Variants in CNBD2 observed in about 807,000 individuals in gnomAD.
CNBD2 encodes cyclic nucleotide binding domain containing 2, also known as cyclic nucleotide-binding domain-containing protein 2.
Under a neutral mutation model 63.7 loss-of-function variants are expected in CNBD2, and 64 were observed. The ratio of observed to expected loss-of-function variants is 1.00; its 90% CI spans 0.82 to 1.24. The LOEUF is 1.24. Ranked by LOEUF, CNBD2 falls within the 50% of genes most tolerant of loss-of-function variation. CNBD2 has a pLI of 0.00. For synonymous variants in CNBD2, 229 were observed against 255.4 expected, an observed-to-expected ratio of 0.90 and a Z score of 0.99; for missense variants, 691 against 713.5, an observed-to-expected ratio of 0.97 and a Z score of 0.36.
At chr20:36,001,295 C>G (rs1230259522) in intron 8 of CNBD2, among the ~76,000 whole-genome samples, 3 of 151,358 alleles carry the variant, frequency 2.0e-5, no homozygotes, top group Non-Finnish European at 2.9e-5. Context: ...AGGGGCTCCT[C>G]ACTTCCCAGT....
chr20:35,985,592 TCTC>T (rs1163845247), intron 6 of CNBD2, among the ~76,000 whole-genome samples: 3 of 151,812 alleles, frequency 2.0e-5, no homozygotes, highest in Non-Finnish European at 4.4e-5. Context: ...TTCAAGCAAT[TCTC>T]CTGCCTCAGC....
chr20:35,994,547 C>T (rs539315242), intron 7 of CNBD2, among the ~76,000 whole-genome samples: 6 of 146,516 alleles, frequency 4.1e-5, no homozygotes, highest in African/African-American at 1.5e-4. Flanking sequence ...ACTTGAACTT[C>T]GTATGGTGAG....
chr20:35,980,373 G>A (rs1324870603), intron 3 of CNBD2, 86 bp from the exon 4 acceptor site: 1 of 1,265,748 alleles, frequency 7.9e-7, no homozygotes, highest in Admixed American at 1.7e-5. Flanking sequence ...ACGGGAGAGT[G>A]TACAAGCAGG....
chr20:35,985,462 A>G (rs1327470011), intron 6 of CNBD2, among the ~76,000 whole-genome samples: 2 of 149,660 alleles, frequency 1.3e-5, no homozygotes, highest in East Asian at 4.0e-4. Context: ...CCCCATGCTC[A>G]GCCCAAACTA....
At chr20:36,004,697 G>A (rs1009460127) in intron 8 of CNBD2, among the ~76,000 whole-genome samples, 1 of 151,912 alleles carries the variant, frequency 6.6e-6, no homozygotes, top group Non-Finnish European at 1.5e-5. Context: ...TGAGTAGCTG[G>A]GACTATAGGC....
intron 10 of CNBD2, among the ~76,000 whole-genome samples, chr20:36,021,260 G>A (rs761198897): frequency 8.5e-5 from 13 of 152,126 alleles, no homozygotes; most frequent in Non-Finnish European, 1.9e-4. Context: ...TTGCAGCAGC[G>A]TGGATGGCAC....
chr20:35,967,839 G>A (rs2147187055), upstream of CNBD2, among the ~76,000 whole-genome samples: 1 of 152,262 alleles, frequency 6.6e-6, no homozygotes, highest in South Asian at 2.1e-4. Flanking sequence ...GGAACAAAGT[G>A]AGACAGTGTC....
chr20:35,960,797 TCTTCCCTTCTCTTCCCTTCCCTTCC>T (rs2056302478), intron 2 of CNBD2, among the ~76,000 whole-genome samples: 5 of 124,658 alleles, frequency 4.0e-5, no homozygotes, highest in African/African-American at 1.1e-4. Flanking sequence ...TCTTCCCTTC[TCTTCCCTTCTCTTCCCTTCCCTTCC>T]CTTCCCTTCT....
At chr20:35,955,023 AAGG>A (rs1568833424) in exon 1 of CNBD2, 1 of 176,272 alleles carries the variant, frequency 5.7e-6, no homozygotes, top group Non-Finnish European at 1.4e-5. Context: ...GTCTGGCGCG[AAGG>A]AGATGCTCGA....
At chr20:36,001,972 G>A (rs1234862507) in intron 8 of CNBD2, among the ~76,000 whole-genome samples, 1 of 152,010 alleles carries the variant, frequency 6.6e-6, no homozygotes, top group Non-Finnish European at 1.5e-5. Context: ...AGGCAGAGAC[G>A]CTCCTCACTT....
chr20:35,968,773 A>G lies in CNBD2; in HGVS notation c.11A>G (p.His4Arg), dbSNP rs1463006476. MRR[H>R]MVTYAWQLLK... ...GCCTGCACAGGAACCATGAGGAGAC[A>G]TATGGTAACTTATGCCTGGCAGCTC... The change falls in exon 1 of 12, where the codon CAT (histidine) becomes CGT (arginine). Residue 4 changes from histidine to arginine, a missense_variant. Physicochemically the swap from His to Arg is conservative, Grantham distance 29 (BLOSUM62 0). Coordinates refer to ENST00000373973, the MANE Select transcript of CNBD2 (RefSeq NM_001365709.1). 6.2e-7 allele frequency: 1 copy of G among 1,609,190 alleles called. No homozygotes were observed. Among genetic ancestry groups the G allele is most frequent in the Non-Finnish European group, 8.5e-7 (1 of 1,178,328 alleles).
In CNBD2 at chr20:36,030,342, G is replaced by C. The variant is rs200027181; in HGVS notation, c.1440-15G>C. 1 of 1,613,338 alleles carries C rather than the reference G, an allele frequency of 6.2e-7. No homozygotes were observed. Among genetic ancestry groups the C allele is most frequent in the South Asian group, 1.1e-5 (1 of 91,060 alleles). ...GACTGGCATGAGAACCTCGGCTTCT[G>C]TGCCTGCCCTTTAGTGATGAAGATA... is the stretch of plus-strand genomic sequence containing the variant. On this transcript the variant is annotated splice_polypyrimidine_tract_variant and intron_variant, in intron 11 of 11. Transcript: ENST00000373973.
chr20:35,970,993 G>T (rs2147196643), intron 1 of CNBD2, among the ~76,000 whole-genome samples: 1 of 149,964 alleles, frequency 6.7e-6, no homozygotes, highest in South Asian at 2.1e-4. Context: ...TGTCGCCCAG[G>T]CTGGAGTGCA....
At chr20:35,954,679 T>G (rs1035860594), upstream of CNBD2, 1 of 1,195,712 alleles carries the variant, frequency 8.4e-7, no homozygotes, top group African/African-American at 1.6e-5. Context: ...CGAGGAGGAG[T>G]CGGAGGAGGA....
At chr20:36,024,716 G>A (rs1314587052) in intron 11 of CNBD2, among the ~76,000 whole-genome samples, 8 of 151,964 alleles carry the variant, frequency 5.3e-5, no homozygotes, top group Admixed American at 5.2e-4. Flanking sequence ...ATTACCTGAG[G>A]TCAGGAGTTT....
chr20:36,023,413 G>A lies in CNBD2; in HGVS notation c.1270-189G>A, dbSNP rs535292502. Among the ~76,000 whole-genome samples, 51 of 152,266 alleles carry A rather than the reference G, an allele frequency of 3.3e-4. No individual in the cohort carries two copies. The East Asian group carries it at 8.3e-3, about 25-fold the overall frequency. On this transcript the variant is annotated intron_variant, in intron 10 of 11. Coordinates refer to ENST00000373973, the MANE Select transcript of CNBD2 (RefSeq NM_001365709.1). ...TGTAATCCCAGCTACTCAGGTGGCT[G>A]AGGCAGGAGAATCGTTTGAACCTGG...
At chr20:36,020,616 C>T (rs145669020) in intron 10 of CNBD2, among the ~76,000 whole-genome samples, 156 of 152,212 alleles carry the variant, frequency 1.0e-3, no homozygotes, top group African/African-American at 3.5e-3. Flanking sequence ...ATTTCCTTTC[C>T]TGAACCTCAT....
intron 1 of CNBD2, 107 bp downstream of exon 1, chr20:35,968,920 C>A (rs952941415): frequency 1.2e-4 from 100 of 800,194 alleles, no homozygotes; most frequent in Non-Finnish European, 6.2e-6. Flanking sequence ...GAATGGTGGC[C>A]ATCCTGTACC....
intron 3 of CNBD2, among the ~76,000 whole-genome samples, chr20:35,978,344 ATT>A (rs146244036): frequency 1.9e-4 from 26 of 137,018 alleles, no homozygotes; most frequent in Non-Finnish European, 1.7e-4. Flanking sequence ...CGCCTGGCTA[ATT>A]TTTTTTTTTT....
Sources: gnomAD v4.1 joint callset for allele counts (sites outside exome capture counted in the v4.1 genomes callset) on GRCh38, gnomAD v4.1.1 for gene constraint, MANE v1.5 for transcripts, NCBI Gene and HGNC (gene_info 2026-07-23, HGNC 2026-07-21) for gene names.